AHCYL2: variants seen among roughly 807,000 people sequenced by gnomAD.
The protein encoded by AHCYL2 is S-adenosylhomocysteine hydrolase-like protein 2.
Under a neutral mutation model 81.4 loss-of-function variants are expected in AHCYL2, and 28 were observed. The observed-to-expected ratio is 0.34, with a 90% CI of 0.25 to 0.47. AHCYL2 has a LOEUF of 0.47. Ranked by LOEUF, AHCYL2 falls within the 20% of genes least tolerant of loss-of-function variation. The pLI, the probability that AHCYL2 is intolerant of heterozygous loss-of-function variation, is 1.00. For synonymous variants in AHCYL2, 272 were observed against 290.2 expected, an observed-to-expected ratio of 0.94 and a Z score of 0.64; for missense variants, 551 against 785.1, an observed-to-expected ratio of 0.70 and a Z score of 3.56.
chr7:129,405,933 A>G, intron 9 of AHCYL2, 34 bp downstream of exon 9: 1 of 1,597,100 alleles, frequency 6.3e-7, no homozygotes, highest in East Asian at 2.2e-5. Context: ...TAGGTGTTTT[A>G]AATGGATTTT....
chr7:129,304,060 A>C (rs1797342028), intron 1 of AHCYL2, among the ~76,000 whole-genome samples: 1 of 151,666 alleles, frequency 6.6e-6, no homozygotes, highest in Non-Finnish European at 1.5e-5. Flanking sequence ...TCAAAAAATA[A>C]AAAATAAAAT....
intron 1 of AHCYL2, among the ~76,000 whole-genome samples, chr7:129,260,282 G>A (rs564629917): frequency 1.3e-5 from 2 of 152,274 alleles, no homozygotes; most frequent in East Asian, 3.9e-4. Flanking sequence ...GTCTTCAACA[G>A]GTGGATTGAT....
At chr7:129,286,131 G>A (rs750800495) in intron 1 of AHCYL2, among the ~76,000 whole-genome samples, 4 of 152,118 alleles carry the variant, frequency 2.6e-5, no homozygotes, top group Non-Finnish European at 4.4e-5. Context: ...GGGTGAAAAT[G>A]AAAGAATTGA....
At chr7:129,305,133 A>G (rs1368973768) in intron 1 of AHCYL2, among the ~76,000 whole-genome samples, 1 of 152,120 alleles carries the variant, frequency 6.6e-6, no homozygotes, top group South Asian at 2.1e-4. Context: ...GACAACACCG[A>G]TTGTATAAAC....
At chr7:129,338,101 G>T (rs1400578188) in intron 1 of AHCYL2, among the ~76,000 whole-genome samples, 2 of 152,024 alleles carry the variant, frequency 1.3e-5, no homozygotes, top group African/African-American at 4.8e-5. Flanking sequence ...CATACATGGG[G>T]AAGTATATCT....
intron 1 of AHCYL2, among the ~76,000 whole-genome samples, chr7:129,285,198 A>C (rs1796586307): frequency 6.6e-6 from 1 of 152,096 alleles, no homozygotes; most frequent in Non-Finnish European, 1.5e-5. Context: ...TGATGTGTGG[A>C]TGTATGGATG....
intron 1 of AHCYL2, among the ~76,000 whole-genome samples, chr7:129,292,148 C>T (rs1335056793): frequency 1.3e-5 from 2 of 152,062 alleles, no homozygotes; most frequent in African/African-American, 4.8e-5. Flanking sequence ...CTGCTTGTAA[C>T]AATTTGCTTA....
intron 1 of AHCYL2, among the ~76,000 whole-genome samples, chr7:129,306,304 GGT>G (rs1415305535): frequency 6.6e-6 from 1 of 151,494 alleles, no homozygotes; most frequent in Admixed American, 6.6e-5. Flanking sequence ...GTCTCCTCTG[GGT>G]GTGTGTTTTC....
intron 1 of AHCYL2, among the ~76,000 whole-genome samples, chr7:129,339,970 G>C (rs1179037571): frequency 7.2e-6 from 1 of 138,532 alleles, no homozygotes; most frequent in African/African-American, 2.7e-5. Flanking sequence ...CCAGGCTGGA[G>C]TGCAGTGACG....
At chr7:129,320,270 T>G (rs899800739) in intron 1 of AHCYL2, among the ~76,000 whole-genome samples, 7 of 152,336 alleles carry the variant, frequency 4.6e-5, no homozygotes, top group Admixed American at 4.6e-4. Context: ...ACATAATATA[T>G]TTTGTAAATA....
intron 1 of AHCYL2, among the ~76,000 whole-genome samples, chr7:129,247,008 G>GAA (rs1314959090): frequency 1.3e-5 from 2 of 152,054 alleles, no homozygotes. Flanking sequence ...TAGCTATTTT[G>GAA]AATAATGCAG....
At chr7:129,391,641 T>C (rs1273926056) in intron 4 of AHCYL2, among the ~76,000 whole-genome samples, 8 of 152,226 alleles carry the variant, frequency 5.3e-5, no homozygotes, top group South Asian at 2.1e-4. Context: ...ATTGTTATAT[T>C]GAGCAGTGGT....
At chr7:129,256,553 C>CCCT in intron 1 of AHCYL2, among the ~76,000 whole-genome samples, 1 of 132,438 alleles carries the variant, frequency 7.6e-6, no homozygotes, top group Non-Finnish European at 1.6e-5. Flanking sequence ...CCCCCCACCC[C>CCCT]CCCCCCGCCT....
At chr7:129,237,947 C>G (rs1794699238) in intron 1 of AHCYL2, among the ~76,000 whole-genome samples, 1 of 152,056 alleles carries the variant, frequency 6.6e-6, no homozygotes, top group Non-Finnish European at 1.5e-5. Context: ...GTCTTGAACT[C>G]CTGACCTTGT....
At chr7:129,266,308 GAGA>G (rs1320203093) in intron 1 of AHCYL2, among the ~76,000 whole-genome samples, 4 of 152,236 alleles carry the variant, frequency 2.6e-5, no homozygotes, top group African/African-American at 9.6e-5. Flanking sequence ...GGTAGTGGAT[GAGA>G]AGGAGGGAGG....
chr7:129,297,155 T>C (rs561448220), intron 1 of AHCYL2, among the ~76,000 whole-genome samples: 12 of 152,150 alleles, frequency 7.9e-5, no homozygotes, highest in Admixed American at 1.3e-4. Flanking sequence ...GGTAAAAGGA[T>C]TGTAGAGAGG....
chr7:129,405,084 C>T lies in AHCYL2; in HGVS notation c.1026-13C>T. The stretch of plus-strand genomic sequence containing the variant: ...TCCTGGTGTTTTTTGTTCTTGGCTT[C>T]CCTCATCCTCAGGCTGTACCAACTG... On this transcript the variant is annotated splice_polypyrimidine_tract_variant and intron_variant, in intron 7 of 16. Transcript: ENST00000325006. 1 of 1,560,666 alleles carries T rather than the reference C, an allele frequency of 6.4e-7. No individual in the cohort carries two copies. The highest frequency in any genetic ancestry group is 1.2e-5 in the South Asian group (1 of 84,530).
intron 1 of AHCYL2, among the ~76,000 whole-genome samples, chr7:129,228,660 C>T (rs1794311518): frequency 6.6e-6 from 1 of 152,158 alleles, no homozygotes; most frequent in Non-Finnish European, 1.5e-5. Flanking sequence ...TGGCGCACAG[C>T]AGGGAAAACA....
At position 129,271,133 on chromosome 7, in the gene AHCYL2, C is replaced by T. The variant is rs190682939; in HGVS notation, c.363+45694C>T. ...ATCCCAGCACTTTGGGAGGCCGAGG[C>T]GGGCGGATCACGAGGTCAGGAGATG... On this transcript the variant is annotated intron_variant, in intron 1 of 16. Coordinates refer to ENST00000325006, the MANE Select transcript of AHCYL2 (RefSeq NM_015328.4). Among the ~76,000 whole-genome samples the T allele has an allele frequency of 1.8e-3, 270 of 151,950 alleles. 4 individuals carry two copies. The highest frequency in any genetic ancestry group is 0.016 in the Admixed American group (244 of 15,270).
Sources: allele counts gnomAD v4.1 joint callset (sites outside exome capture counted in the v4.1 genomes callset), GRCh38; gene constraint gnomAD v4.1.1; transcripts MANE v1.5; gene names NCBI Gene and HGNC (gene_info 2026-07-23, HGNC 2026-07-21).